Variants in MYT1L observed in about 807,000 individuals in gnomAD.
MYT1L encodes myelin transcription factor 1-like protein.
A neutral mutation model predicts 126.7 loss-of-function variants in MYT1L; 12 were observed. The ratio of observed to expected loss-of-function variants is 0.09; its 90% CI spans 0.06 to 0.15. The LOEUF (loss-of-function observed/expected upper bound fraction) is 0.15. MYT1L is among the 10% of genes least tolerant of loss of function. The probability of loss-of-function intolerance (pLI) is 1.00; values close to 1 mark genes in which losing one functional copy is unlikely to be tolerated. For synonymous variants in MYT1L, 541 were observed against 604.2 expected (o/e 0.90, Z 1.53); for missense variants, 979 against 1,585.2 (o/e 0.62, Z 6.49).
At position 1,848,262 on chromosome 2, in the gene MYT1L, G is replaced by A. The variant is rs74550618; in HGVS notation, c.2774+3379C>T. Reference sequence around the variant, plus strand: ...GTGTGTGCCTTTGTCCTGGGAGCAGGAGGGAGAATTCTACAGACACCACGG... The same window carrying A: ...GTGTGTGCCTTTGTCCTGGGAGCAGAAGGGAGAATTCTACAGACACCACGG... On this transcript the variant is annotated intron_variant, in intron 19 of 24. Transcript: ENST00000647738. The surrounding 1 kb of genome is among the most constrained non-coding windows in gnomAD (Gnocchi z 4.8). Among the ~76,000 whole-genome samples the A allele has an allele frequency of 7.2e-5, 11 of 151,738 alleles. No individual in the cohort carries two copies. In the East Asian group the frequency reaches 2.2e-3, roughly 30 times the overall value.
At chr2:2,196,793 G>C (rs1425483792) in intron 2 of MYT1L, among the ~76,000 whole-genome samples, 1 of 151,802 alleles carries the variant, frequency 6.6e-6, no homozygotes, top group African/African-American at 2.4e-5. Context: ...ATAAGATTAA[G>C]AAGAAAGTCA....
intron 8 of MYT1L, among the ~76,000 whole-genome samples, chr2:1,948,371 T>C (rs1341098911): frequency 2.0e-5 from 3 of 152,204 alleles, no homozygotes; most frequent in African/African-American, 7.2e-5. Flanking sequence ...CTCTCTCTGA[T>C]CCATTCTCCT....
rs749234863 is a variant in MYT1L at position 1,943,213 on chromosome 2, C to T, written c.274G>A (p.Asp92Asn). The T allele has an allele frequency of 5.2e-6, 8 of 1,552,150 alleles. No individual in the cohort carries two copies. Among genetic ancestry groups the T allele is most frequent in the South Asian group, 1.2e-5 (1 of 84,080 alleles). The change falls in exon 9 of 25, where the codon GAC becomes AAC. Residue 92 changes from aspartate (D) to asparagine (N), a missense_variant. This residue lies in a region of MYT1L where 111 missense variants were observed against 115.9 expected (regional missense o/e 0.96). Coordinates refer to ENST00000647738, the MANE Select transcript of MYT1L (RefSeq NM_001303052.2). This position sits in a 1 kb window ranked among gnomAD's most constrained non-coding sequence, Gnocchi z 4.4. ...ADSSSVDECDDSDGTEDMDEK... is the reference protein window; with the variant it reads ...ADSSSVDECDNSDGTEDMDEK... ...TCCATGTCCTCAGTCCCATCACTGT[C>T]GTCACACTCATCCACTGAGGAGCTG...
At chr2:2,031,842 C>G (rs2066320658) in intron 4 of MYT1L, among the ~76,000 whole-genome samples, 6 of 139,742 alleles carry the variant, frequency 4.3e-5, no homozygotes, top group Admixed American at 6.9e-5. Context: ...ACACACACCC[C>G]TCGCCAGTGC....
chr2:1,935,403 T>C (rs911154830), intron 9 of MYT1L, among the ~76,000 whole-genome samples: 14 of 152,190 alleles, frequency 9.2e-5, no homozygotes, highest in African/African-American at 2.4e-4. Flanking sequence ...ATATACATGA[T>C]ATACTTGCTG....
intron 3 of MYT1L, among the ~76,000 whole-genome samples, chr2:2,092,452 C>A (rs900544160): frequency 6.6e-6 from 1 of 152,092 alleles, no homozygotes; most frequent in Non-Finnish European, 1.5e-5. Context: ...ATAACCAAAG[C>A]AGATATGATG....
chr2:1,994,644 TAGAC>T (rs1244899041), intron 5 of MYT1L, among the ~76,000 whole-genome samples: 12 of 152,240 alleles, frequency 7.9e-5, no homozygotes, highest in African/African-American at 2.2e-4. Context: ...TAACAAGTAA[TAGAC>T]AGTGTTCTGT....
intron 2 of MYT1L, among the ~76,000 whole-genome samples, chr2:2,213,810 G>C (rs979544608): frequency 1.3e-5 from 2 of 151,816 alleles, no homozygotes; most frequent in Non-Finnish European, 2.9e-5. Flanking sequence ...ACAATGTCTG[G>C]GATTACATTA....
chr2:1,996,090 C>T (rs1421775690), intron 5 of MYT1L, among the ~76,000 whole-genome samples: 6 of 152,156 alleles, frequency 3.9e-5, no homozygotes, highest in Admixed American at 2.0e-4. Flanking sequence ...GTGGAGGAAG[C>T]GGTGTGCAGG....
At chr2:2,271,246 G>A (rs537436367) in intron 2 of MYT1L, among the ~76,000 whole-genome samples, 35 of 152,280 alleles carry the variant, frequency 2.3e-4, no homozygotes, top group African/African-American at 7.0e-4. Context: ...GGAGCTCCCC[G>A]CAGGCATACT....
chr2:2,197,835 C>T (rs1335262898), intron 2 of MYT1L, among the ~76,000 whole-genome samples: 6 of 146,978 alleles, frequency 4.1e-5, no homozygotes, highest in Non-Finnish European at 8.9e-5. Context: ...ACGCACACAA[C>T]GAATGTGTAG....
At chr2:2,239,719 C>A (rs2094399594) in intron 2 of MYT1L, among the ~76,000 whole-genome samples, 2 of 152,154 alleles carry the variant, frequency 1.3e-5, no homozygotes, top group Admixed American at 1.3e-4. Flanking sequence ...GCTGGTTTGG[C>A]TCTCCAAACT....
chr2:2,119,879 A>C (rs1232390506), intron 3 of MYT1L, among the ~76,000 whole-genome samples: 4 of 152,172 alleles, frequency 2.6e-5, no homozygotes, highest in Non-Finnish European at 5.9e-5. Flanking sequence ...AATCATAGCT[A>C]TCTTACGTCA....
chr2:2,040,465 C>T (rs1448960191), intron 4 of MYT1L, among the ~76,000 whole-genome samples: 1 of 152,114 alleles, frequency 6.6e-6, no homozygotes, highest in Non-Finnish European at 1.5e-5. Context: ...TGCAGGCGAC[C>T]CCCTGACCAA....
rs540058005 is a variant in MYT1L at position 1,790,079 on chromosome 2, T to A, written c.*1788A>T. The A allele has an allele frequency of 6.6e-5, 10 of 152,292 alleles. No homozygotes were observed. The highest frequency in any genetic ancestry group is 3.3e-4 in the Admixed American group (5 of 15,290). 9.4% of individuals were successfully genotyped at this position (152,292 alleles called of 1,614,324 possible). A position where few individuals can be genotyped will look rare whatever the true frequency, so the allele number is the denominator to read the frequency against. ...GCCGTGAGGGCTCCTCTATAATCCA[T>A]CCAGGTTCAGTGTCACAAGGCTACT... On this transcript the variant is annotated 3_prime_UTR_variant, in exon 25 of 25. Coordinates refer to ENST00000647738, the MANE Select transcript of MYT1L (RefSeq NM_001303052.2).
chr2:2,326,302 T>C (rs2096245494), intron 1 of MYT1L: 1 of 152,258 alleles, frequency 6.6e-6, no homozygotes, highest in South Asian at 2.1e-4. Context: ...GTGGTTTCCG[T>C]GGGGAGACTG....
At position 1,902,260 on chromosome 2, in the gene MYT1L, T is replaced by C. The variant is rs530007052; in HGVS notation, c.2032+820A>G. On this transcript the variant is annotated intron_variant, in intron 14 of 24. Coordinates refer to ENST00000647738, the MANE Select transcript of MYT1L (RefSeq NM_001303052.2). The stretch of plus-strand genomic sequence containing the variant: ...CTCTAGGTAGTGGTTCAAATAAGCA[T>C]TGGTCAAAATAAACTACCCCTTTCC... Among the ~76,000 whole-genome samples the C allele has an allele frequency of 1.0e-3, 154 of 152,342 alleles. 1 individual carries two copies. Among genetic ancestry groups the C allele is most frequent in the Non-Finnish European group, 1.9e-3 (132 of 68,030 alleles).
chr2:2,262,853 T>A (rs1394099620), intron 2 of MYT1L, among the ~76,000 whole-genome samples: 1 of 144,800 alleles, frequency 6.9e-6, no homozygotes, highest in Admixed American at 6.9e-5. Flanking sequence ...TCGTAGATTA[T>A]GTTATGAACA....
At chr2:2,091,636 C>T (rs2150387546) in intron 3 of MYT1L, among the ~76,000 whole-genome samples, 1 of 152,330 alleles carries the variant, frequency 6.6e-6, no homozygotes. Context: ...GATTTCTCCT[C>T]TCCAGCTCTG....
Sources: gnomAD v4.1 joint callset for allele counts (sites outside exome capture counted in the v4.1 genomes callset) on GRCh38, gnomAD v4.1.1 for gene constraint, gnomAD v4.1.1 regional missense constraint, Gnocchi (gnomAD v3.1) non-coding constraint, MANE v1.5 for transcripts, NCBI Gene and HGNC (gene_info 2026-07-23, HGNC 2026-07-21) for gene names.